Variants in MYD88 observed in about 807,000 individuals in gnomAD.
The protein encoded by MYD88 is MYD88 innate immune signal transduction adaptor.
MYD88 carries 15 observed loss-of-function variants against 31.1 expected under a neutral mutation model. That is an observed-to-expected ratio of 0.48 (90% confidence interval 0.32 to 0.74). The LOEUF (loss-of-function observed/expected upper bound fraction) is 0.74. Among genes scored for constraint, MYD88 ranks in the 30% least tolerant of loss-of-function variants. MYD88 has a pLI of 0.03. For synonymous variants in MYD88, 157 were observed against 158.8 expected, an observed-to-expected ratio of 0.99 and a Z score of 0.08; for missense variants, 308 against 387.4, an observed-to-expected ratio of 0.79 and a Z score of 1.72.
In MYD88 at chr3:38,138,723, C is replaced by T. The variant is rs533607667; in HGVS notation, c.23C>T (p.Ala8Val). ...GCCATGGCTGCAGGAGGTCCCGGCG[C>T]GGGGTCTGCGGCCCCGGTCTCCTCC... Reference protein sequence around the residue: MAAGGPGAGSAAPVSSTS... With the variant: MAAGGPGVGSAAPVSSTS... Residue 8 changes from alanine (A) to valine (V), a missense_variant, in exon 1 of 5, where the codon GCG becomes GTG. Transcript: ENST00000650905. This position sits in a 1 kb window ranked among gnomAD's most constrained non-coding sequence, Gnocchi z 6.4. 1 of 1,605,642 alleles carries T rather than the reference C, an allele frequency of 6.2e-7. No individual in the cohort carries two copies. Among genetic ancestry groups the T allele is most frequent in the East Asian group, 2.2e-5 (1 of 44,712 alleles).
Position 38,141,306 on chromosome 3 carries a change from G to A in MYD88, c.*20G>A, listed in dbSNP as rs367636369. On this transcript the variant is annotated 3_prime_UTR_variant, in exon 5 of 5. Coordinates refer to ENST00000650905, the MANE Select transcript of MYD88 (RefSeq NM_002468.5). ...CCCTGAAGACTGTTCTGAGGCCCTG[G>A]GTGTGTGTGTATCTGTCTGCCTGTC... 6 of 1,614,124 alleles carry A rather than the reference G, an allele frequency of 3.7e-6. No homozygotes were observed. Among genetic ancestry groups the A allele is most frequent in the Non-Finnish European group, 5.1e-6 (6 of 1,179,978 alleles).
chr3:38,139,855 TC>T lies in MYD88; in HGVS notation c.329-5del, dbSNP rs899203442. On this transcript the variant is annotated splice_polypyrimidine_tract_variant and splice_region_variant and intron_variant, in intron 1 of 4. Transcript: ENST00000650905. This position sits in a 1 kb window ranked among gnomAD's most constrained non-coding sequence, Gnocchi z 4.7. ...AGGGAGGCTGCTTTACTCTGTCTCTTCCCCACAGAGGAGGATTGCCAAAAGT... is the reference window on the plus strand; with the variant it reads ...AGGGAGGCTGCTTTACTCTGTCTCTTCCCACAGAGGAGGATTGCCAAAAGT... The T allele has an allele frequency of 3.7e-6, 6 of 1,612,374 alleles. No homozygotes were observed. In the African/African-American group the frequency reaches 6.7e-5, roughly 18 times the overall value.
chr3:38,139,363 C>T lies in MYD88; in HGVS notation c.328+335C>T, dbSNP rs1247677211. The T allele has an allele frequency of 2.2e-6, 1 of 461,048 alleles. No homozygotes were observed. Among genetic ancestry groups the T allele is most frequent in the East Asian group, 3.9e-5 (1 of 25,548 alleles). 28.6% of individuals were successfully genotyped at this position (461,048 alleles called of 1,614,324 possible). ...GACAGGTGGGGCGATTGACAGTGGA[C>T]TGTCTTAGAAACCTCAAGTCCTGGG... is the stretch of plus-strand genomic sequence containing the variant. On this transcript the variant is annotated intron_variant, in intron 1 of 4. Coordinates refer to ENST00000650905, the MANE Select transcript of MYD88 (RefSeq NM_002468.5). The surrounding 1 kb of genome is among the most constrained non-coding windows in gnomAD (Gnocchi z 4.7).
chr3:38,139,183 T>G lies in MYD88; in HGVS notation c.328+155T>G. The G allele has an allele frequency of 9.4e-7, 1 of 1,058,268 alleles. No individual in the cohort carries two copies. Among genetic ancestry groups the G allele is most frequent in the Non-Finnish European group, 1.3e-6 (1 of 756,740 alleles). 65.6% of individuals were successfully genotyped at this position (1,058,268 alleles called of 1,614,324 possible). A position where few individuals can be genotyped will look rare whatever the true frequency, so the allele number is the denominator to read the frequency against. ...AGAACCATGCGGGTCCCGTTCCTTC[T>G]TAATAACCGGTCGCGGTTATTAAGA... is the stretch of plus-strand genomic sequence containing the variant. On this transcript the variant is annotated intron_variant, in intron 1 of 4. Coordinates refer to ENST00000650905, the MANE Select transcript of MYD88 (RefSeq NM_002468.5). This position sits in a 1 kb window ranked among gnomAD's most constrained non-coding sequence, Gnocchi z 4.7.
chr3:38,140,396 C>A lies in MYD88; in HGVS notation c.472C>A (p.Pro158Thr). The A allele has an allele frequency of 6.2e-7, 1 of 1,614,178 alleles. No homozygotes were observed. The change falls in exon 3 of 5, where the codon CCT becomes ACT. Residue 158 changes from proline (P) to threonine (T), a missense_variant. Transcript: ENST00000650905. ...TTLDDPLGHMPERFDAFICYC... is the reference protein window; with the variant it reads ...TTLDDPLGHMTERFDAFICYC... ...TTGTGCTCTGCACCCAGGGCATATG[C>A]CTGAGCGTTTCGATGCCTTCATCTG... is the stretch of plus-strand genomic sequence containing the variant.
At chr3:38,140,917 TC>T in intron 4 of MYD88, 69 bp downstream of exon 4, 1 of 1,501,766 alleles carries the variant, frequency 6.7e-7, no homozygotes, top group Non-Finnish European at 9.3e-7. Flanking sequence ...TTGTCAGCCT[TC>T]CCTCCCCAAG....
chr3:38,142,786 G>A lies in MYD88; in HGVS notation c.*1500G>A. On this transcript the variant is annotated 3_prime_UTR_variant, in exon 5 of 5. Transcript: ENST00000650905. ...GGTACCTTTTCTTAGGATCTTGGGA[G>A]GGAATGGATGCCCCTCTCTGCATGA... 4.3e-6 allele frequency: 1 copy of A among 233,292 alleles called. No homozygotes were observed. The highest frequency in any genetic ancestry group is 6.0e-5 in the East Asian group (1 of 16,590). The allele number at this position is 233,292 out of a possible 1,614,324, so 14.5% of individuals were successfully genotyped here.
chr3:38,138,889 A>G lies in MYD88; in HGVS notation c.189A>G (p.Gln63=), dbSNP rs148994019. 4 of 1,613,644 alleles carry G rather than the reference A, an allele frequency of 2.5e-6. No homozygotes were observed. ...ACTTTGAGTACTTGGAGATCCGGCA[A>G]CTGGAGACACAAGCGGACCCCACTG... ...EMDFEYLEIR[Q]LETQADPTGR... is the part of the protein sequence containing the mutation. Residue 63 remains glutamine, a synonymous_variant, in exon 1 of 5, where the codon CAA becomes CAG. Transcript: ENST00000650905. The surrounding 1 kb of genome is among the most constrained non-coding windows in gnomAD (Gnocchi z 6.4).
At position 38,139,040 on chromosome 3, in the gene MYD88, C is replaced by G. The variant is rs1222828986; in HGVS notation, c.328+12C>G. 1 of 1,598,320 alleles carries G rather than the reference C, an allele frequency of 6.3e-7. No homozygotes were observed. The highest frequency in any genetic ancestry group is 2.2e-5 in the East Asian group (1 of 44,784). ...GGGACCCAGCATTGGTGAGGACGTC[C>G]CCTTCCTGGCCTCGTACCTGGGGGG... On this transcript the variant is annotated intron_variant, in intron 1 of 4. Transcript: ENST00000650905. The surrounding 1 kb of genome is among the most constrained non-coding windows in gnomAD (Gnocchi z 4.7).
In MYD88 at chr3:38,139,078, C is replaced by A; in HGVS notation, c.328+50C>A. ...CGTACCTGGGGGGTGAGGAGGCTGA[C>A]TTTCCGCGGCCTCAGCATCCTGTCT... is the stretch of plus-strand genomic sequence containing the variant. On this transcript the variant is annotated intron_variant, in intron 1 of 4. Coordinates refer to ENST00000650905, the MANE Select transcript of MYD88 (RefSeq NM_002468.5). This position sits in a 1 kb window ranked among gnomAD's most constrained non-coding sequence, Gnocchi z 4.7. 1 of 1,572,478 alleles carries A rather than the reference C, an allele frequency of 6.4e-7. No individual in the cohort carries two copies. The highest frequency in any genetic ancestry group is 8.6e-7 in the Non-Finnish European group (1 of 1,164,636).
chr3:38,139,731 G>C lies in MYD88; in HGVS notation c.329-133G>C, dbSNP rs2125777005. 8.6e-7 allele frequency: 1 copy of C among 1,162,110 alleles called. No homozygotes were observed. Among genetic ancestry groups the C allele is most frequent in the Non-Finnish European group, 1.3e-6 (1 of 798,794 alleles). 72.0% of individuals were successfully genotyped at this position (1,162,110 alleles called of 1,614,324 possible). A position where few individuals can be genotyped will look rare whatever the true frequency, so the allele number is the denominator to read the frequency against. On this transcript the variant is annotated intron_variant, in intron 1 of 4. Transcript: ENST00000650905. This position sits in a 1 kb window ranked among gnomAD's most constrained non-coding sequence, Gnocchi z 4.7. ...ACTTCTCAGAGCCGTTGAGCTTCGC[G>C]TGGCACCAGTGAACTGGGGAAGCCC...
chr3:38,140,478 C>CAA lies in MYD88; in HGVS notation c.556_557dup (p.Asn186LysfsTer5). ...GAGATGATCCGGCAACTGGAACAGA[C>CAA]AAACTATCGACTGAAGTTGTGTGTG... is the stretch of plus-strand genomic sequence containing the variant. On this transcript the variant is annotated frameshift_variant, in exon 3 of 5. Coordinates refer to ENST00000650905, the MANE Select transcript of MYD88 (RefSeq NM_002468.5). LOFTEE classifies it high-confidence loss of function. The CAA allele has an allele frequency of 1.2e-6, 2 of 1,614,248 alleles. No homozygotes were observed. The highest frequency in any genetic ancestry group is 1.7e-6 in the Non-Finnish European group (2 of 1,180,042).
intron 2 of MYD88, 30 bp downstream of exon 2, chr3:38,140,028 A>G: frequency 6.2e-7 from 1 of 1,611,166 alleles, no homozygotes; most frequent in African/African-American, 1.3e-5. Context: ...CCCATGGGAC[A>G]GGTGGAATAG....
chr3:38,138,877 G>C lies in MYD88; in HGVS notation c.177G>C (p.Leu59Phe), dbSNP rs751226550. The stretch of plus-strand genomic sequence containing the variant: ...CGGAGGAGATGGACTTTGAGTACTT[G>C]GAGATCCGGCAACTGGAGACACAAG... ...ALAEEMDFEY[L>F]EIRQLETQAD... The change falls in exon 1 of 5, where the codon TTG becomes TTC. Residue 59 changes from leucine to phenylalanine, a missense_variant. Transcript: ENST00000650905. This position sits in a 1 kb window ranked among gnomAD's most constrained non-coding sequence, Gnocchi z 6.4. The C allele has an allele frequency of 6.2e-7, 1 of 1,613,750 alleles. No homozygotes were observed. The highest frequency in any genetic ancestry group is 8.5e-7 in the Non-Finnish European group (1 of 1,180,024).
In MYD88 at chr3:38,138,997, C is replaced by G. The variant is rs779368211; in HGVS notation, c.297C>G (p.Asp99Glu). The G allele has an allele frequency of 1.2e-6, 2 of 1,606,354 alleles. No individual in the cohort carries two copies. Among genetic ancestry groups the G allele is most frequent in the Admixed American group, 1.7e-5 (1 of 60,000 alleles). Residue 99 changes from aspartate (D) to glutamate (E), a missense_variant, in exon 1 of 5, where the codon GAC becomes GAG. Physicochemically the swap from Asp to Glu is conservative, Grantham distance 45. Coordinates refer to ENST00000650905, the MANE Select transcript of MYD88 (RefSeq NM_002468.5). The surrounding 1 kb of genome is among the most constrained non-coding windows in gnomAD (Gnocchi z 6.4). ...LLELLTKLGR[D>E]DVLLELGPSI... ...AGCTGCTTACCAAGCTGGGCCGCGA[C>G]GACGTGCTGCTGGAGCTGGGACCCA... is the stretch of plus-strand genomic sequence containing the variant.
intron 2 of MYD88, 156 bp downstream of exon 2, chr3:38,140,154 C>T (rs949571736): frequency 9.5e-7 from 1 of 1,054,712 alleles, no homozygotes; most frequent in Non-Finnish European, 1.4e-6. Context: ...AGATAATAGT[C>T]CTACCTCTGG....
rs766079851 is a variant in MYD88 at position 38,138,875 on chromosome 3, T to A, written c.175T>A (p.Leu59Met). 6 of 1,613,652 alleles carry A rather than the reference T, an allele frequency of 3.7e-6. No homozygotes were observed. Among genetic ancestry groups the A allele is most frequent in the Non-Finnish European group, 5.1e-6 (6 of 1,180,002 alleles). Residue 59 changes from leucine to methionine, a missense_variant, in exon 1 of 5, where the codon TTG (leucine) becomes ATG (methionine). By Grantham distance (15) the Leu-to-Met change is conservative (BLOSUM62 2). Coordinates refer to ENST00000650905, the MANE Select transcript of MYD88 (RefSeq NM_002468.5). The surrounding 1 kb of genome is among the most constrained non-coding windows in gnomAD (Gnocchi z 6.4). ...ALAEEMDFEY[L>M]EIRQLETQAD... ...GGCGGAGGAGATGGACTTTGAGTAC[T>A]TGGAGATCCGGCAACTGGAGACACA... is the stretch of plus-strand genomic sequence containing the variant.
In MYD88 at chr3:38,138,805, G is replaced by C; in HGVS notation, c.105G>C (p.Leu35=). ...TGCGAGTGCGGCGCCGCCTGTCTCT[G>C]TTCTTGAACGTGCGGACACAGGTGG... is the stretch of plus-strand genomic sequence containing the variant. ...LNMRVRRRLS[L]FLNVRTQVAA... is the part of the protein sequence containing the mutation. Residue 35 remains leucine (L), a synonymous_variant, in exon 1 of 5, where the codon CTG becomes CTC. Coordinates refer to ENST00000650905, the MANE Select transcript of MYD88 (RefSeq NM_002468.5). This position sits in a 1 kb window ranked among gnomAD's most constrained non-coding sequence, Gnocchi z 6.4. 6.2e-7 allele frequency: 1 copy of C among 1,613,682 alleles called. No homozygotes were observed. Among genetic ancestry groups the C allele is most frequent in the Non-Finnish European group, 8.5e-7 (1 of 1,180,008 alleles).
rs75274680 is a variant in MYD88, at chr3:38,139,728, C to T, written c.329-136C>T. The T allele has an allele frequency of 4.1e-4, 455 of 1,121,606 alleles. 4 individuals carry two copies. In the East Asian group the frequency reaches 9.6e-3, roughly 24 times the overall value. 69.5% of individuals were successfully genotyped at this position (1,121,606 alleles called of 1,614,324 possible). A position where few individuals can be genotyped will look rare whatever the true frequency, so the allele number is the denominator to read the frequency against. ...TCAACTTCTCAGAGCCGTTGAGCTT[C>T]GCGTGGCACCAGTGAACTGGGGAAG... On this transcript the variant is annotated intron_variant, in intron 1 of 4. Transcript: ENST00000650905. This position sits in a 1 kb window ranked among gnomAD's most constrained non-coding sequence, Gnocchi z 4.7.
Sources: gnomAD v4.1 joint callset for allele counts on GRCh38, gnomAD v4.1.1 for gene constraint, Gnocchi (gnomAD v3.1) non-coding constraint, MANE v1.5 for transcripts, NCBI Gene and HGNC (gene_info 2026-07-23, HGNC 2026-07-21) for gene names.